Variants in SOX5 observed in about 807,000 individuals in gnomAD.
SOX5 encodes the protein transcription factor SOX-5.
A neutral mutation model predicts 92.0 loss-of-function variants in SOX5; 9 were observed. The ratio of observed to expected loss-of-function variants is 0.10; its 90% CI spans 0.06 to 0.17. SOX5 has a LOEUF of 0.17. Ranked by LOEUF, SOX5 falls within the 10% of genes least tolerant of loss-of-function variation. The pLI is 1.00. For missense variants in SOX5, 642 were observed against 944.5 expected (o/e 0.68, Z 4.20); for synonymous variants, 344 against 336.3 (o/e 1.02, Z -0.25).
At chr12:24,555,107 C>T (rs1028106028) in intron 1 of SOX5, among the ~76,000 whole-genome samples, 2 of 152,192 alleles carry the variant, frequency 1.3e-5, no homozygotes, top group African/African-American at 2.4e-5. Flanking sequence ...CAGGAGCTCG[C>T]GCTGAGGGCC....
intron 4 of SOX5, among the ~76,000 whole-genome samples, chr12:24,169,250 T>C (rs1481530632): frequency 6.6e-6 from 1 of 152,208 alleles, no homozygotes; most frequent in Non-Finnish European, 1.5e-5. Context: ...TTTATAAATG[T>C]ATTATTTAAA....
intron 9 of SOX5, among the ~76,000 whole-genome samples, chr12:23,585,976 T>C (rs956805222): frequency 6.6e-6 from 1 of 152,134 alleles, no homozygotes; most frequent in South Asian, 2.1e-4. Flanking sequence ...CTGGGCCCTA[T>C]GTGAATCAAA....
rs553639854 is a variant in SOX5 at position 24,105,773 on chromosome 12, G to C, written c.-2+107570C>G. Among the ~76,000 whole-genome samples, 9 of 152,228 alleles carry C rather than the reference G, an allele frequency of 5.9e-5. No individual in the cohort carries two copies. In the East Asian group the frequency reaches 1.7e-3, roughly 29 times the overall value. On this transcript the variant is annotated intron_variant, in intron 4 of 4. Coordinates refer to the SOX5 transcript ENST00000446891. ...GAGTCATTTTATGTTACCATAGTCA[G>C]AGCAGGAGAATTAATGGTAATTTTC...
intron 4 of SOX5, among the ~76,000 whole-genome samples, chr12:23,993,530 T>C (rs1264416062): frequency 6.6e-6 from 1 of 152,170 alleles, no homozygotes; most frequent in Non-Finnish European, 1.5e-5. Flanking sequence ...AACATGCCAC[T>C]ATTTCTCCCA....
chr12:24,157,094 A>G (rs999443433), intron 4 of SOX5, among the ~76,000 whole-genome samples: 6 of 151,800 alleles, frequency 4.0e-5, no homozygotes, highest in African/African-American at 1.5e-4. Context: ...TTTTCTTTCC[A>G]TTTTCATTGT....
chr12:24,025,817 A>G (rs1294479092), intron 4 of SOX5, among the ~76,000 whole-genome samples: 4 of 152,200 alleles, frequency 2.6e-5, no homozygotes, highest in East Asian at 1.9e-4. Context: ...TGACCATCCA[A>G]TGTTCCTCTG....
chr12:23,768,982 C>A (rs1310080544), intron 3 of SOX5, among the ~76,000 whole-genome samples: 1 of 152,062 alleles, frequency 6.6e-6, no homozygotes, highest in African/African-American at 2.4e-5. Flanking sequence ...CAGAAAATTT[C>A]CAAAATGTTT....
intron 9 of SOX5, among the ~76,000 whole-genome samples, chr12:23,592,001 A>ATGTT (rs1951636670): frequency 6.6e-6 from 1 of 152,144 alleles, no homozygotes; most frequent in African/African-American, 2.4e-5. Context: ...AAATCATAAC[A>ATGTT]GTTCAAATTA....
chr12:24,468,014 A>C (rs1944408924), intron 1 of SOX5, among the ~76,000 whole-genome samples: 1 of 152,220 alleles, frequency 6.6e-6, no homozygotes, highest in African/African-American at 2.4e-5. Context: ...TCAAGTGGAA[A>C]TGGGCAACGC....
chr12:23,740,586 A>T (rs927445716), intron 5 of SOX5, among the ~76,000 whole-genome samples: 4 of 152,132 alleles, frequency 2.6e-5, no homozygotes, highest in African/African-American at 9.7e-5. Flanking sequence ...TTGACTCTCC[A>T]TGGTTCTTTT....
chr12:24,299,801 T>C (rs1443064595), intron 2 of SOX5, among the ~76,000 whole-genome samples: 1 of 152,212 alleles, frequency 6.6e-6, no homozygotes, highest in East Asian at 1.9e-4. Context: ...AACAAAGGCT[T>C]ATTTCTAGTG....
intron 6 of SOX5, among the ~76,000 whole-genome samples, chr12:23,726,300 A>G (rs2093131690): frequency 6.6e-6 from 1 of 152,148 alleles, no homozygotes; most frequent in African/African-American, 2.4e-5. Context: ...TCTGGAATGT[A>G]TGTCTTGAAT....
chr12:24,248,649 T>G (rs547785797), intron 3 of SOX5, among the ~76,000 whole-genome samples: 2 of 152,324 alleles, frequency 1.3e-5, no homozygotes, highest in African/African-American at 2.4e-5. Context: ...CCTCCCAAAG[T>G]GCTGAGATTA....
At chr12:24,556,512 CT>C (rs1285898462) in intron 1 of SOX5, among the ~76,000 whole-genome samples, 1 of 152,192 alleles carries the variant, frequency 6.6e-6, no homozygotes, top group Non-Finnish European at 1.5e-5. Flanking sequence ...AGATGGATTT[CT>C]TTTTCCACAC....
intron 2 of SOX5, among the ~76,000 whole-genome samples, chr12:23,875,591 G>A (rs1413991056): frequency 2.0e-5 from 3 of 152,008 alleles, no homozygotes; most frequent in Non-Finnish European, 2.9e-5. Flanking sequence ...GAGGAAGAGA[G>A]GAAAGAAGGC....
chr12:24,104,356 A>G (rs1946431680), intron 4 of SOX5, among the ~76,000 whole-genome samples: 1 of 152,158 alleles, frequency 6.6e-6, no homozygotes, highest in African/African-American at 2.4e-5. Context: ...AAAGCCAAAA[A>G]CTTATTTTCC....
In SOX5 at chr12:24,153,628, T is replaced by TG. The variant is rs781133075; in HGVS notation, c.-2+59714dup. The stretch of plus-strand genomic sequence containing the variant: ...TTCCTGCATCCTATGACCTTACCTC[T>TG]GTTCTTGCACACTCCACTGAAATAA... On this transcript the variant is annotated intron_variant, in intron 4 of 4. Coordinates refer to the SOX5 transcript ENST00000446891. Among the ~76,000 whole-genome samples, 5 of 152,218 alleles carry TG rather than the reference T, an allele frequency of 3.3e-5. 1 individual carries two copies. The highest frequency in any genetic ancestry group is 6.5e-5 in the Admixed American group (1 of 15,274).
intron 4 of SOX5, among the ~76,000 whole-genome samples, chr12:24,015,254 T>C (rs1953460480): frequency 6.6e-6 from 1 of 152,118 alleles, no homozygotes; most frequent in Non-Finnish European, 1.5e-5. Flanking sequence ...TCCTCTCTTG[T>C]AGTGCGGTAA....
chr12:23,959,437 AGAATAAAATC>A (rs1946650372), intron 4 of SOX5, among the ~76,000 whole-genome samples: 1 of 152,090 alleles, frequency 6.6e-6, no homozygotes, highest in Non-Finnish European at 1.5e-5. Flanking sequence ...CTAAACATAA[AGAATAAAATC>A]ATAAACTATT....
Sources: gnomAD v4.1 joint callset for allele counts (sites outside exome capture counted in the v4.1 genomes callset) on GRCh38, gnomAD v4.1.1 for gene constraint, MANE v1.5 for transcripts, NCBI Gene and HGNC (gene_info 2026-07-23, HGNC 2026-07-21) for gene names.